The following ZNF804A variants were observed in gnomAD, a reference collection of about 807,000 sequenced individuals.
The protein encoded by ZNF804A is zinc finger protein 804A.
A neutral mutation model predicts 16.5 loss-of-function variants in ZNF804A; 2 were observed. The observed-to-expected ratio is 0.12, with a 90% CI of 0.05 to 0.38. The LOEUF (loss-of-function observed/expected upper bound fraction) is 0.38. Ranked by LOEUF, ZNF804A falls within the 10% of genes least tolerant of loss-of-function variation. The pLI is 0.99. For missense variants in ZNF804A, 1,473 were observed against 1,390.7 expected, an observed-to-expected ratio of 1.06 and a Z score of -0.94; for synonymous variants, 534 against 489.6, an observed-to-expected ratio of 1.09 and a Z score of -1.20.
At chr2:184,829,162 A>G (rs1666790601) in intron 1 of ZNF804A, among the ~76,000 whole-genome samples, 1 of 151,802 alleles carries the variant, frequency 6.6e-6, no homozygotes, top group Non-Finnish European at 1.5e-5. Flanking sequence ...ATCTAAATGC[A>G]CTTTATCATA....
intron 1 of ZNF804A, among the ~76,000 whole-genome samples, chr2:184,634,386 T>C (rs1691662178): frequency 6.6e-6 from 1 of 152,138 alleles, no homozygotes; most frequent in Non-Finnish European, 1.5e-5. Context: ...ATTTATTACT[T>C]TTAAAAGTGA....
At chr2:184,867,016 T>G (rs1392943600) in intron 2 of ZNF804A, among the ~76,000 whole-genome samples, 2 of 151,802 alleles carry the variant, frequency 1.3e-5, no homozygotes, top group African/African-American at 4.8e-5. Flanking sequence ...CTACAAATGG[T>G]CCTAGGTTAT....
intron 1 of ZNF804A, among the ~76,000 whole-genome samples, chr2:184,607,127 C>T (rs972326445): frequency 6.6e-6 from 1 of 152,126 alleles, no homozygotes. Context: ...CAATTTCTCT[C>T]TCTCAATCAA....
intron 3 of ZNF804A, among the ~76,000 whole-genome samples, chr2:184,934,561 C>T (rs1003856773): frequency 6.6e-6 from 1 of 152,068 alleles, no homozygotes; most frequent in Admixed American, 6.6e-5. Flanking sequence ...CTGTTAAAAA[C>T]AGATGTTACT....
chr2:184,736,272 T>A (rs957700328), intron 1 of ZNF804A, among the ~76,000 whole-genome samples: 2 of 152,208 alleles, frequency 1.3e-5, no homozygotes, highest in Non-Finnish European at 2.9e-5. Context: ...TTTTGTCTAC[T>A]GCCCTTTCTT....
chr2:184,866,623 AC>A (rs1695880787), intron 2 of ZNF804A, 111 bp downstream of exon 2: 4 of 968,142 alleles, frequency 4.1e-6, no homozygotes, highest in African/African-American at 3.5e-5. Context: ...AATTTGCTGT[AC>A]AGTTTTGAAA....
chr2:184,827,493 TA>T (rs1245871662), intron 1 of ZNF804A, among the ~76,000 whole-genome samples: 2 of 146,586 alleles, frequency 1.4e-5, no homozygotes, highest in African/African-American at 4.9e-5. Context: ...TATATATATA[TA>T]AAAATATATA....
chr2:184,801,996 T>C (rs1694734398), intron 1 of ZNF804A, among the ~76,000 whole-genome samples: 1 of 152,184 alleles, frequency 6.6e-6, no homozygotes, highest in African/African-American at 2.4e-5. Flanking sequence ...TTCAAATGTC[T>C]AGCACCCTGT....
chr2:184,860,929 G>C (rs1695790912), intron 1 of ZNF804A, among the ~76,000 whole-genome samples: 1 of 152,230 alleles, frequency 6.6e-6, no homozygotes, highest in Non-Finnish European at 1.5e-5. Flanking sequence ...ATCAGAGCCT[G>C]AGGCTGCTGT....
chr2:184,724,219 C>A (rs1296745873), intron 1 of ZNF804A, among the ~76,000 whole-genome samples: 1 of 151,568 alleles, frequency 6.6e-6, no homozygotes, highest in African/African-American at 2.4e-5. Context: ...TGCATAAATT[C>A]TTAAAAGATG....
chr2:184,614,505 AG>A (rs1691288910), intron 1 of ZNF804A, among the ~76,000 whole-genome samples: 1 of 152,246 alleles, frequency 6.6e-6, no homozygotes, highest in South Asian at 2.1e-4. Context: ...GGCAATCTAC[AG>A]AATGGGAGAA....
chr2:184,841,897 A>G (rs1695441427), intron 1 of ZNF804A, among the ~76,000 whole-genome samples: 1 of 152,108 alleles, frequency 6.6e-6, no homozygotes, highest in South Asian at 2.1e-4. Flanking sequence ...CTTCACCATT[A>G]CATGGTATAA....
Position 184,866,383 on chromosome 2 carries a change from G to T in ZNF804A, c.126G>T (p.Lys42Asn). ...TTATTTTTCAGGACTATGCTGAGAA[G>T]GAAAATACCATAGCAAAAGCTCTGG... is the stretch of plus-strand genomic sequence containing the variant. ...NGNKTLDYAE[K>N]ENTIAKALED... Residue 42 changes from lysine (K) to asparagine (N), a missense_variant, in exon 2 of 4, where the codon AAG (lysine) becomes AAT (asparagine). By Grantham distance (94) the Lys-to-Asn change is moderately conservative. Transcript: ENST00000302277. The T allele has an allele frequency of 6.2e-7, 1 of 1,613,060 alleles. No homozygotes were observed. The highest frequency in any genetic ancestry group is 8.5e-7 in the Non-Finnish European group (1 of 1,179,472).
chr2:184,714,648 A>G (rs989933024), intron 1 of ZNF804A, among the ~76,000 whole-genome samples: 1 of 152,054 alleles, frequency 6.6e-6, no homozygotes, highest in Non-Finnish European at 1.5e-5. Flanking sequence ...TGAGCATTAA[A>G]AGAAATAATA....
intron 1 of ZNF804A, among the ~76,000 whole-genome samples, chr2:184,665,359 C>A (rs1347996679): frequency 6.6e-5 from 10 of 152,130 alleles, no homozygotes; most frequent in African/African-American, 2.4e-4. Context: ...TACTTCTGTG[C>A]CTGTATCTCA....
chr2:184,639,805 A>C (rs1691763595), intron 1 of ZNF804A, among the ~76,000 whole-genome samples: 1 of 152,088 alleles, frequency 6.6e-6, no homozygotes, highest in African/African-American at 2.4e-5. Flanking sequence ...GATTGAGACC[A>C]TCCTGGTTAA....
At chr2:184,921,589 C>T (rs1685529556) in intron 2 of ZNF804A, among the ~76,000 whole-genome samples, 5 of 152,132 alleles carry the variant, frequency 3.3e-5, no homozygotes, top group Admixed American at 3.3e-4. Context: ...CATCAGAGTA[C>T]ATAGGGTATC....
At position 184,765,361 on chromosome 2, in the gene ZNF804A, T is replaced by C. The variant is rs913376986; in HGVS notation, c.112-101008T>C. Reference sequence around the variant, plus strand: ...CAATTTCTGCCTCCAAAGAAAGAAGTAAAAACTAAAAGGCAGAAATGAAAT... The same window carrying C: ...CAATTTCTGCCTCCAAAGAAAGAAGCAAAAACTAAAAGGCAGAAATGAAAT... On this transcript the variant is annotated intron_variant, in intron 1 of 3. Coordinates refer to ENST00000302277, the MANE Select transcript of ZNF804A (RefSeq NM_194250.2). 3.1e-4 allele frequency among the ~76,000 whole-genome samples: 47 copies of C among 151,942 alleles called. 1 individual carries two copies. Among genetic ancestry groups the C allele is most frequent in the African/African-American group, 1.1e-3 (44 of 41,360 alleles).
intron 1 of ZNF804A, among the ~76,000 whole-genome samples, chr2:184,607,913 C>T (rs535228667): frequency 1.5e-3 from 222 of 146,096 alleles, no homozygotes; most frequent in African/African-American, 5.4e-3. Flanking sequence ...TAACTGCACA[C>T]CATGGAGAAC....
Sources: allele counts gnomAD v4.1 joint callset (sites outside exome capture counted in the v4.1 genomes callset), GRCh38; gene constraint gnomAD v4.1.1; transcripts MANE v1.5; gene names NCBI Gene and HGNC (gene_info 2026-07-23, HGNC 2026-07-21).